Variants in EGFR observed in about 807,000 individuals in gnomAD.
The protein encoded by EGFR is avian erythroblastic leukemia viral (v-erb-b) oncogene homolog.
EGFR carries 58 observed loss-of-function variants against 143.0 expected under a neutral mutation model. That is an observed-to-expected ratio of 0.41 (90% CI 0.33 to 0.50). The LOEUF (loss-of-function observed/expected upper bound fraction) is 0.50, where lower values mean the gene tolerates loss of function less well. Among genes scored for constraint, EGFR ranks in the 20% least tolerant of loss-of-function variants. The probability of loss-of-function intolerance (pLI) is 0.39; values close to 1 mark genes in which losing one functional copy is unlikely to be tolerated. For synonymous variants in EGFR, 613 were observed against 594.4 expected (o/e 1.03, Z -0.45); for missense variants, 1,307 against 1,579.0 (o/e 0.83, Z 2.92).
chr7:55,119,151 A>G (rs368094445), intron 1 of EGFR: 1 of 152,218 alleles, frequency 6.6e-6, no homozygotes, highest in Admixed American at 6.5e-5. Flanking sequence ...TGTGAAAGCT[A>G]TAAAATTAAT....
chr7:55,157,602 T>C, intron 10 of EGFR, 61 bp from the exon 11 acceptor site: 4 of 1,361,988 alleles, frequency 2.9e-6, no homozygotes, highest in Non-Finnish European at 3.2e-6. Context: ...TAGAGTAATG[T>C]CTCATACAAA....
intron 1 of EGFR, among the ~76,000 whole-genome samples, chr7:55,050,482 T>C (rs1788425891): frequency 6.6e-6 from 1 of 152,258 alleles, no homozygotes. Context: ...ATTTCATTTA[T>C]CCATTCATCC....
chr7:55,114,801 G>A (rs7781062), intron 1 of EGFR, among the ~76,000 whole-genome samples: 4,181 of 150,782 alleles, frequency 0.028, 212 homozygotes, highest in African/African-American at 0.097. Flanking sequence ...TATTGTTACC[G>A]CCTGTATAAA....
At chr7:55,137,949 C>T (rs910578896) in intron 1 of EGFR, among the ~76,000 whole-genome samples, 2 of 152,162 alleles carry the variant, frequency 1.3e-5, no homozygotes, top group Non-Finnish European at 2.9e-5. Context: ...AAGATTAATC[C>T]TCTCACAGTT....
At chr7:55,107,809 G>A (rs557707434) in intron 1 of EGFR, among the ~76,000 whole-genome samples, 16 of 152,238 alleles carry the variant, frequency 1.1e-4, no homozygotes, top group Admixed American at 3.9e-4. Context: ...CTGTTCCCCC[G>A]TTATCTGGCA....
At chr7:55,094,996 T>C (rs1263330126) in intron 1 of EGFR, among the ~76,000 whole-genome samples, 2 of 152,236 alleles carry the variant, frequency 1.3e-5, no homozygotes, top group Non-Finnish European at 2.9e-5. Context: ...GGCAGCCTTA[T>C]GTCAGGGCTC....
intron 13 of EGFR, 52 bp downstream of exon 13, chr7:55,161,683 G>C: frequency 1.2e-6 from 2 of 1,613,836 alleles, no homozygotes; most frequent in Admixed American, 1.7e-5. Flanking sequence ...TAAGGCTCCA[G>C]GTTGTTGTTA....
At chr7:55,069,104 G>C (rs1789679193) in intron 1 of EGFR, among the ~76,000 whole-genome samples, 1 of 152,220 alleles carries the variant, frequency 6.6e-6, no homozygotes, top group African/African-American at 2.4e-5. Flanking sequence ...ACAGAGATGA[G>C]TATGAAGCAT....
intron 1 of EGFR, among the ~76,000 whole-genome samples, chr7:55,047,764 A>C (rs1788265230): frequency 6.6e-6 from 1 of 152,174 alleles, no homozygotes; most frequent in African/African-American, 2.4e-5. Flanking sequence ...AAACAAACAA[A>C]CAAACAAAAA....
At chr7:55,070,438 C>G (rs973707053) in intron 1 of EGFR, among the ~76,000 whole-genome samples, 1 of 152,170 alleles carries the variant, frequency 6.6e-6, no homozygotes, top group African/African-American at 2.4e-5. Context: ...GCCCCAACTA[C>G]GGTGGGAAAA....
chr7:55,101,894 C>A (rs1300782519), intron 1 of EGFR, among the ~76,000 whole-genome samples: 1 of 152,190 alleles, frequency 6.6e-6, no homozygotes, highest in Non-Finnish European at 1.5e-5. Context: ...GACTTAATTT[C>A]TTCCCATCCC....
intron 10 of EGFR, 39 bp from the exon 11 acceptor site, chr7:55,157,624 T>G: frequency 1.3e-6 from 2 of 1,569,230 alleles, no homozygotes. Context: ...AAGAAACTCC[T>G]ACGTGGTGTG....
chr7:55,022,384 A>C (rs1384662991), intron 1 of EGFR, among the ~76,000 whole-genome samples: 1 of 150,854 alleles, frequency 6.6e-6, no homozygotes, highest in African/African-American at 2.4e-5. Flanking sequence ...TGGGGATATT[A>C]ATGGTATCCA....
At chr7:55,089,680 A>G (rs971029791) in intron 1 of EGFR, among the ~76,000 whole-genome samples, 1 of 152,144 alleles carries the variant, frequency 6.6e-6, no homozygotes, top group Admixed American at 6.5e-5. Flanking sequence ...CTACTGACAC[A>G]TCTCCAGTTG....
chr7:55,094,290 G>T (rs1791306460), intron 1 of EGFR, among the ~76,000 whole-genome samples: 1 of 152,196 alleles, frequency 6.6e-6, no homozygotes, highest in Admixed American at 6.5e-5. Flanking sequence ...CCACGCAGCT[G>T]CCTGGTGCAA....
intron 1 of EGFR, among the ~76,000 whole-genome samples, chr7:55,063,625 T>C (rs576486603): frequency 9.2e-5 from 14 of 152,300 alleles, no homozygotes; most frequent in African/African-American, 2.9e-4. Context: ...CCATCTTGAA[T>C]CCAACAGACA....
intron 1 of EGFR, among the ~76,000 whole-genome samples, chr7:55,115,144 C>T (rs1216059823): frequency 6.6e-6 from 1 of 152,138 alleles, no homozygotes; most frequent in Non-Finnish European, 1.5e-5. Context: ...ACTGGGATTA[C>T]AGGCATTATA....
chr7:55,168,501 A>T (rs773629157), intron 15 of EGFR: 5 of 1,345,512 alleles, frequency 3.7e-6, no homozygotes, highest in Non-Finnish European at 5.3e-6. Context: ...CATTTTTCTA[A>T]TGTCTTTCTA....
At chr7:55,107,553 C>T (rs745809395) in intron 1 of EGFR, among the ~76,000 whole-genome samples, 8 of 152,214 alleles carry the variant, frequency 5.3e-5, no homozygotes, top group Non-Finnish European at 1.2e-4. Context: ...TGCTGCAGGG[C>T]ATGAGACATC....
Sources: allele counts gnomAD v4.1 joint callset (sites outside exome capture counted in the v4.1 genomes callset), GRCh38; gene constraint gnomAD v4.1.1; transcripts MANE v1.5; gene names NCBI Gene and HGNC (gene_info 2026-07-23, HGNC 2026-07-21).